The following OTUD7A variants were observed in gnomAD, a reference collection of about 807,000 sequenced individuals.
The protein encoded by OTUD7A is OTU domain-containing protein 7A.
A neutral mutation model predicts 65.7 loss-of-function variants in OTUD7A; 12 were observed. The ratio of observed to expected loss-of-function variants is 0.18; its 90% CI spans 0.12 to 0.30. OTUD7A has a LOEUF of 0.30. OTUD7A is among the 10% of genes least tolerant of loss of function. The pLI, the probability that OTUD7A is intolerant of heterozygous loss-of-function variation, is 1.00. For synonymous variants in OTUD7A, 641 were observed against 586.3 expected (o/e 1.09, Z -1.35); for missense variants, 1,148 against 1,304.8 (o/e 0.88, Z 1.85).
At chr15:31,642,737 T>C (rs1175538722) in intron 3 of OTUD7A, among the ~76,000 whole-genome samples, 2 of 152,040 alleles carry the variant, frequency 1.3e-5, no homozygotes, top group African/African-American at 4.8e-5. Context: ...ACTGAGGTCA[T>C]CTCTTTCATT....
At chr15:31,548,325 G>A (rs768098659) in intron 5 of OTUD7A, among the ~76,000 whole-genome samples, 10 of 152,062 alleles carry the variant, frequency 6.6e-5, no homozygotes, top group Non-Finnish European at 1.3e-4. Flanking sequence ...TTTCTACTTG[G>A]CCTCTCAAAG....
At chr15:31,857,247 A>G (rs191686301) in intron 1 of OTUD7A, among the ~76,000 whole-genome samples, 44 of 152,304 alleles carry the variant, frequency 2.9e-4, no homozygotes, top group African/African-American at 9.4e-4. Flanking sequence ...AGCCAACGAG[A>G]GCCCACGGTA....
intron 6 of OTUD7A, among the ~76,000 whole-genome samples, chr15:31,527,522 T>C (rs1388010982): frequency 1.3e-5 from 2 of 152,386 alleles, no homozygotes; most frequent in East Asian, 3.9e-4. Context: ...ATCCTGTTCT[T>C]AGCAAAACAA....
chr15:31,782,695 C>G (rs1895572269), intron 1 of OTUD7A, among the ~76,000 whole-genome samples: 1 of 152,172 alleles, frequency 6.6e-6, no homozygotes, highest in African/African-American at 2.4e-5. Flanking sequence ...TGGTGAATAA[C>G]TTCTCGTGAC....
chr15:31,601,935 C>T (rs1890088390), intron 3 of OTUD7A, among the ~76,000 whole-genome samples: 1 of 152,160 alleles, frequency 6.6e-6, no homozygotes, highest in South Asian at 2.1e-4. Context: ...AGACCAATAA[C>T]AAGTTCTGAA....
At chr15:31,702,932 C>A (rs1030440909) in intron 1 of OTUD7A, among the ~76,000 whole-genome samples, 1 of 151,562 alleles carries the variant, frequency 6.6e-6, no homozygotes, top group East Asian at 1.9e-4. Flanking sequence ...ATAGAGAACC[C>A]GGAACTGATT....
chr15:31,735,352 C>T (rs567228504), intron 1 of OTUD7A, among the ~76,000 whole-genome samples: 1 of 151,972 alleles, frequency 6.6e-6, no homozygotes, highest in African/African-American at 2.4e-5. Flanking sequence ...ATGGGGAAAC[C>T]CCATCTCTAC....
chr15:31,493,953 A>T (rs1184776124), intron 10 of OTUD7A, among the ~76,000 whole-genome samples: 1 of 152,220 alleles, frequency 6.6e-6, no homozygotes, highest in Non-Finnish European at 1.5e-5. Context: ...AAACTAGAAA[A>T]GGGGTAGCAA....
chr15:31,735,875 C>T (rs538856345), intron 1 of OTUD7A, among the ~76,000 whole-genome samples: 1 of 152,286 alleles, frequency 6.6e-6, no homozygotes, highest in African/African-American at 2.4e-5. Flanking sequence ...GAATACTATG[C>T]AACCATAAAA....
chr15:31,753,503 T>G (rs1046470507), intron 1 of OTUD7A, among the ~76,000 whole-genome samples: 1 of 151,568 alleles, frequency 6.6e-6, no homozygotes, highest in Non-Finnish European at 1.5e-5. Context: ...TCTTATGCCT[T>G]TGCATCCTCA....
At chr15:31,614,305 GA>G (rs71110897) in intron 3 of OTUD7A, among the ~76,000 whole-genome samples, 32,575 of 149,616 alleles carry the variant, frequency 0.22, 3,694 homozygotes, top group African/African-American at 0.26. Flanking sequence ...TGGAAAAATA[GA>G]AAAAAAAAGA....
chr15:31,679,155 A>T, intron 1 of OTUD7A, among the ~76,000 whole-genome samples: 1 of 152,136 alleles, frequency 6.6e-6, no homozygotes, highest in East Asian at 1.9e-4. Flanking sequence ...TAATTTCTCC[A>T]ATTTGGAATG....
Position 31,701,052 on chromosome 15 carries a change from C to A in OTUD7A, c.-99-43975G>T, listed in dbSNP as rs1176774467. ...AAACCCAAATGGAAGGTCATTCTAC[C>A]AAATAACTGACCAGTTCTCTTCAAA... On this transcript the variant is annotated intron_variant, in intron 1 of 12. Transcript: ENST00000307050. 3.3e-5 allele frequency among the ~76,000 whole-genome samples: 5 copies of A among 152,296 alleles called. No individual in the cohort carries two copies. In the East Asian group the frequency reaches 9.6e-4, roughly 29 times the overall value.
chr15:31,527,184 C>T lies in OTUD7A; in HGVS notation c.777G>A (p.Lys259=). 1 of 1,614,180 alleles carries T rather than the reference C, an allele frequency of 6.2e-7. No homozygotes were observed. The highest frequency in any genetic ancestry group is 8.5e-7 in the Non-Finnish European group (1 of 1,180,012). Residue 259 remains lysine (K), a synonymous_variant, in exon 7 of 13, where the codon AAG becomes AAA. Coordinates refer to ENST00000307050, the MANE Select transcript of OTUD7A (RefSeq NM_001382637.1). ...RWRWQQTQQN[K]ESGLVYTEEE... is the part of the protein sequence containing the mutation. ...GGCCATGCCAGTGGATACCAACCTC[C>T]TTATTCTGCTGCGTCTGCTGCCACC...
At chr15:31,605,863 A>G (rs1890224500) in intron 3 of OTUD7A, among the ~76,000 whole-genome samples, 2 of 152,242 alleles carry the variant, frequency 1.3e-5, no homozygotes, top group South Asian at 4.1e-4. Flanking sequence ...AGACTGTGCC[A>G]CTGTGCCCGT....
At chr15:31,702,469 T>G (rs1466410212) in intron 1 of OTUD7A, among the ~76,000 whole-genome samples, 6 of 150,858 alleles carry the variant, frequency 4.0e-5, no homozygotes, top group Admixed American at 2.6e-4. Context: ...GTAATATCAA[T>G]GAACATGTGG....
chr15:31,503,342 A>C (rs535131952), intron 9 of OTUD7A, among the ~76,000 whole-genome samples: 40 of 152,276 alleles, frequency 2.6e-4, no homozygotes, highest in African/African-American at 8.9e-4. Flanking sequence ...GTGGGAACAC[A>C]CCTGAGTGAC....
chr15:31,737,752 A>C (rs1449675490), intron 1 of OTUD7A, among the ~76,000 whole-genome samples: 1 of 152,204 alleles, frequency 6.6e-6, no homozygotes, highest in Non-Finnish European at 1.5e-5. Flanking sequence ...GGATAGACTG[A>C]ATGTGTTCAT....
chr15:31,567,260 G>C (rs558082965), intron 4 of OTUD7A, among the ~76,000 whole-genome samples: 1 of 152,212 alleles, frequency 6.6e-6, no homozygotes. Context: ...ATGGTCACGT[G>C]TTTTGCCTTA....
Sources: gnomAD v4.1 joint callset for allele counts (sites outside exome capture counted in the v4.1 genomes callset) on GRCh38, gnomAD v4.1.1 for gene constraint, MANE v1.5 for transcripts, NCBI Gene and HGNC (gene_info 2026-07-23, HGNC 2026-07-21) for gene names.